Variants in NAPB observed in about 807,000 individuals in gnomAD.
NAPB encodes the protein NSF attachment protein beta, also known as beta-soluble NSF attachment protein.
NAPB carries 26 observed loss-of-function variants against 44.7 expected under a neutral mutation model. That is an observed-to-expected ratio of 0.58 (90% CI 0.43 to 0.81). The LOEUF is 0.81. NAPB is among the 30% of genes least tolerant of loss of function. NAPB has a pLI of 0.00. For missense variants in NAPB, 315 were observed against 356.4 expected (o/e 0.88, Z 0.94); for synonymous variants, 120 against 116.8 (o/e 1.03, Z -0.18).
At chr20:23,390,983 G>C (rs1189110966) in intron 5 of NAPB, among the ~76,000 whole-genome samples, 1 of 152,178 alleles carries the variant, frequency 6.6e-6, no homozygotes, top group Admixed American at 6.5e-5. Flanking sequence ...TGCTGTGGTA[G>C]AAGTTAGTGA....
At chr20:23,396,089 T>C (rs1984342687) in intron 3 of NAPB, among the ~76,000 whole-genome samples, 1 of 152,254 alleles carries the variant, frequency 6.6e-6, no homozygotes, top group Non-Finnish European at 1.5e-5. Context: ...TGTACTTTCC[T>C]TTTGCGTTTA....
Position 23,379,454 on chromosome 20 carries a change from G to A in NAPB, c.777C>T (p.Tyr259=), listed in dbSNP as rs1982824741. Residue 259 remains tyrosine (Y), a synonymous_variant, in exon 10 of 11, where the codon TAC becomes TAT. Coordinates refer to ENST00000377026, the MANE Select transcript of NAPB (RefSeq NM_022080.3). ...CAAAAGCATAACTTACTGCTTCAGT[G>A]TAAGCTTCACTGTTCTGTTCTTCAT... is the stretch of plus-strand genomic sequence containing the variant. ...EAHEEQNSEA[Y]TEAVKEFDSI... 1.2e-6 allele frequency: 2 copies of A among 1,605,422 alleles called. No homozygotes were observed. Among genetic ancestry groups the A allele is most frequent in the African/African-American group, 2.7e-5 (2 of 74,416 alleles).
At position 23,392,008 on chromosome 20, in the gene NAPB, A is replaced by C. The variant is rs144372763; in HGVS notation, c.421-1744T>G. 2.1e-3 allele frequency among the ~76,000 whole-genome samples: 322 copies of C among 152,320 alleles called. 2 individuals are homozygous for C. The highest frequency in any genetic ancestry group is 7.5e-3 in the African/African-American group (313 of 41,576). On this transcript the variant is annotated intron_variant, in intron 5 of 10. Coordinates refer to ENST00000377026, the MANE Select transcript of NAPB (RefSeq NM_022080.3). ...AGAGATTTGCAGGGACAAGAAAACA[A>C]ATAAAACAAAACAGGCCATGGAACT...
chr20:23,404,305 A>AG (rs1420206323), intron 1 of NAPB, among the ~76,000 whole-genome samples: 1 of 152,256 alleles, frequency 6.6e-6, no homozygotes, highest in East Asian at 1.9e-4. Context: ...ATAAGGACTC[A>AG]GAGACAGGAC....
At chr20:23,410,646 A>G (rs551666313) in intron 1 of NAPB, among the ~76,000 whole-genome samples, 5 of 152,292 alleles carry the variant, frequency 3.3e-5, no homozygotes, top group African/African-American at 1.2e-4. Context: ...CAATATACCC[A>G]GTTAACAAAC....
At chr20:23,418,495 A>G (rs1600607954) in intron 1 of NAPB, among the ~76,000 whole-genome samples, 1 of 152,204 alleles carries the variant, frequency 6.6e-6, no homozygotes, top group Non-Finnish European at 1.5e-5. Flanking sequence ...TAATTATACA[A>G]TATTACTAAA....
intron 1 of NAPB, among the ~76,000 whole-genome samples, chr20:23,413,235 A>C (rs751177063): frequency 6.6e-6 from 1 of 152,194 alleles, no homozygotes; most frequent in Non-Finnish European, 1.5e-5. Context: ...TAATGAAAAA[A>C]AAAAAGTTTA....
intron 1 of NAPB, among the ~76,000 whole-genome samples, chr20:23,410,075 C>T (rs1482364285): frequency 6.6e-6 from 1 of 152,174 alleles, no homozygotes; most frequent in East Asian, 1.9e-4. Context: ...GAAGACACTG[C>T]TTCTGGGAGA....
intron 1 of NAPB, among the ~76,000 whole-genome samples, chr20:23,414,499 G>A (rs1985871679): frequency 6.6e-6 from 1 of 152,010 alleles, no homozygotes; most frequent in African/African-American, 2.4e-5. Flanking sequence ...TATTCAAAAA[G>A]GCCTTCAAAA....
At chr20:23,421,221 G>A (rs1986400213) in intron 1 of NAPB, 84 bp downstream of exon 1, 3 of 1,218,658 alleles carry the variant, frequency 2.5e-6, no homozygotes, top group African/African-American at 1.6e-5. Context: ...AGGTTGCGTG[G>A]GGGACTCGGG....
At position 23,390,705 on chromosome 20, in the gene NAPB, C is replaced by G. The variant is rs186876809; in HGVS notation, c.421-441G>C. On this transcript the variant is annotated intron_variant, in intron 5 of 10. Transcript: ENST00000377026. ...CTAGACACCAAAATGGCAGAACTGT[C>G]AGGCAGGTTCCTAAGTAATTACAAA... 7.2e-5 allele frequency among the ~76,000 whole-genome samples: 11 copies of G among 152,322 alleles called. No homozygotes were observed. In the East Asian group the frequency reaches 1.9e-3, roughly 27 times the overall value.
intron 1 of NAPB, among the ~76,000 whole-genome samples, chr20:23,417,807 G>A (rs1986109060): frequency 6.6e-6 from 1 of 152,018 alleles, no homozygotes; most frequent in South Asian, 2.1e-4. Context: ...TGGGGAGGAA[G>A]GTGGGGATGG....
In NAPB at chr20:23,421,437, G is replaced by A. The variant is rs755474300; in HGVS notation, c.-35C>T. 86 of 1,529,494 alleles carry A rather than the reference G, an allele frequency of 5.6e-5. 1 individual carries two copies. Among genetic ancestry groups the A allele is most frequent in the Admixed American group, 4.0e-5 (2 of 49,700 alleles). The allele number at this position is 1,529,494 out of a possible 1,614,324, so 94.7% of individuals were successfully genotyped here. Reference sequence around the variant, plus strand: ...CGCGGCCGCCACAGCCCCCTCAGCCGGCTCGCTGTGCGCCCAGGCGCCTTA... The same window carrying A: ...CGCGGCCGCCACAGCCCCCTCAGCCAGCTCGCTGTGCGCCCAGGCGCCTTA... On this transcript the variant is annotated 5_prime_UTR_variant, in exon 1 of 11. Transcript: ENST00000377026.
At chr20:23,401,603 G>A (rs893876161) in intron 2 of NAPB, among the ~76,000 whole-genome samples, 2 of 152,138 alleles carry the variant, frequency 1.3e-5, no homozygotes, top group Admixed American at 6.5e-5. Flanking sequence ...GGTCTCAGCC[G>A]GGCACAGTGG....
At chr20:23,417,876 A>C (rs1986113947) in intron 1 of NAPB, among the ~76,000 whole-genome samples, 1 of 152,150 alleles carries the variant, frequency 6.6e-6, no homozygotes, top group Non-Finnish European at 1.5e-5. Flanking sequence ...TGTGCCTTAC[A>C]CAGAGAAGAA....
chr20:23,411,558 T>C (rs767916293), intron 1 of NAPB, among the ~76,000 whole-genome samples: 47 of 152,008 alleles, frequency 3.1e-4, no homozygotes, highest in Non-Finnish European at 5.0e-4. Flanking sequence ...TGTTGTATTG[T>C]AGATCTAAGA....
chr20:23,398,854 A>AAT (rs1984594168), intron 2 of NAPB, among the ~76,000 whole-genome samples: 19 of 90,446 alleles, frequency 2.1e-4, no homozygotes, highest in Admixed American at 7.4e-4. Flanking sequence ...CAAAAAAAAA[A>AAT]TTTTTTTTTT....
intron 10 of NAPB, chr20:23,379,102 C>T (rs1032669940): frequency 6.7e-5 from 12 of 178,102 alleles, no homozygotes; most frequent in South Asian, 2.9e-4. Flanking sequence ...AGGTGTGAGA[C>T]GCCGTGCCTG....
chr20:23,397,185 G>A lies in NAPB; in HGVS notation c.182C>T (p.Ala61Val). ...GGCTGCCTGACAAAATGCGTTTCCTGCAGCTGAAGAAGACACTACAATTAA... is the reference window on the plus strand; with the variant it reads ...GGCTGCCTGACAAAATGCGTTTCCTACAGCTGAAGAAGACACTACAATTAA... ...MFKMAKNWSA[A>V]GNAFCQAAKL... Residue 61 changes from alanine to valine, a missense_variant, in exon 3 of 11, where the codon GCA becomes GTA. Physicochemically the swap from Ala to Val is moderately conservative, Grantham distance 64. This residue lies in a region of NAPB where 179 missense variants were observed against 182.5 expected (regional missense o/e 0.98). Transcript: ENST00000377026. 6.2e-7 allele frequency: 1 copy of A among 1,611,272 alleles called. No homozygotes were observed. The highest frequency in any genetic ancestry group is 1.1e-5 in the South Asian group (1 of 90,856).
Sources: gnomAD v4.1 joint callset for allele counts (sites outside exome capture counted in the v4.1 genomes callset) on GRCh38, gnomAD v4.1.1 for gene constraint, gnomAD v4.1.1 regional missense constraint, MANE v1.5 for transcripts, NCBI Gene and HGNC (gene_info 2026-07-23, HGNC 2026-07-21) for gene names.